ENTREP2: variants seen among roughly 807,000 people sequenced by gnomAD.
The protein encoded by ENTREP2 is endosomal transmembrane epsin interactor 2, also known as protein ENTREP2.
the ENTREP2 span, among the ~76,000 whole-genome samples, chr15:29,238,759 C>A: frequency 2.6e-3 from 396 of 152,262 alleles, 4 homozygotes; most frequent in Admixed American, 1.7e-3. Context: ...GGGAAGCAGG[C>A]ACGTCTTACA....
the ENTREP2 span, among the ~76,000 whole-genome samples, chr15:29,616,032 G>T: frequency 6.6e-6 from 1 of 152,218 alleles, no homozygotes; most frequent in Non-Finnish European, 1.5e-5. Context: ...CATCGCCCAG[G>T]CTAACCTGGA....
chr15:29,621,089 G>C, the ENTREP2 span, among the ~76,000 whole-genome samples: 5 of 151,976 alleles, frequency 3.3e-5, no homozygotes, highest in African/African-American at 1.2e-4. Context: ...AGTTGCTCCT[G>C]CTTAAAATGT....
chr15:29,258,472 A>G, the ENTREP2 span, among the ~76,000 whole-genome samples: 1 of 147,890 alleles, frequency 6.8e-6, no homozygotes, highest in African/African-American at 2.5e-5. Flanking sequence ...GGTAAGAGAC[A>G]ATAAGATCTT....
the ENTREP2 span, among the ~76,000 whole-genome samples, chr15:29,515,379 C>T: frequency 2.6e-5 from 4 of 152,190 alleles, no homozygotes; most frequent in South Asian, 2.1e-4. Flanking sequence ...ACAGAACGCA[C>T]CCTTCCTCTG....
At chr15:29,374,643 A>T in the ENTREP2 span, 1 of 152,054 alleles carries the variant, frequency 6.6e-6, no homozygotes, top group African/African-American at 2.4e-5. Flanking sequence ...ATTTTGAAAA[A>T]AAATTACTAC....
the ENTREP2 span, among the ~76,000 whole-genome samples, chr15:29,306,120 G>T: frequency 6.6e-6 from 1 of 152,266 alleles, no homozygotes; most frequent in East Asian, 1.9e-4. Context: ...CGATACCCCA[G>T]TGGGTTGTTG....
chr15:29,646,838 G>A, the ENTREP2 span, among the ~76,000 whole-genome samples: 1 of 152,124 alleles, frequency 6.6e-6, no homozygotes, highest in Admixed American at 6.6e-5. Flanking sequence ...TGACACAAGG[G>A]CCACTCTGTC....
the ENTREP2 span, among the ~76,000 whole-genome samples, chr15:29,131,436 A>G: frequency 5.3e-5 from 8 of 151,460 alleles, no homozygotes; most frequent in Admixed American, 1.3e-4. Context: ...CAAGACGCCA[A>G]ACTCCTCAAG....
the ENTREP2 span, among the ~76,000 whole-genome samples, chr15:29,395,175 A>ACCG: frequency 2.0e-5 from 3 of 151,756 alleles, no homozygotes; most frequent in African/African-American, 7.2e-5. Flanking sequence ...GGCCTGAGCC[A>ACCG]CCGCGCCTGG....
the ENTREP2 span, among the ~76,000 whole-genome samples, chr15:29,340,955 T>C: frequency 2.0e-5 from 3 of 152,210 alleles, no homozygotes; most frequent in Non-Finnish European, 4.4e-5. Flanking sequence ...ATTTCACTTA[T>C]TTATGACTCA....
the ENTREP2 span, among the ~76,000 whole-genome samples, chr15:29,143,019 C>T: frequency 7.9e-5 from 12 of 152,186 alleles, no homozygotes; most frequent in Non-Finnish European, 1.5e-4. Flanking sequence ...TGACAATAGG[C>T]AGAACGCTTT....
chr15:29,394,932 C>T, the ENTREP2 span, among the ~76,000 whole-genome samples: 68 of 143,662 alleles, frequency 4.7e-4, no homozygotes, highest in African/African-American at 1.6e-3. Flanking sequence ...CTGTCGCCCA[C>T]GCCGGAGTGC....
chr15:29,490,065 A>G, the ENTREP2 span, among the ~76,000 whole-genome samples: 1 of 152,240 alleles, frequency 6.6e-6, no homozygotes, highest in Non-Finnish European at 1.5e-5. Context: ...AAGGTGGTCC[A>G]TTCTCGCTCT....
At chr15:29,296,704 T>C in the ENTREP2 span, among the ~76,000 whole-genome samples, 1 of 152,192 alleles carries the variant, frequency 6.6e-6, no homozygotes, top group African/African-American at 2.4e-5. Flanking sequence ...GGATATGTAT[T>C]AGTTTTCTAG....
chr15:29,227,254 G>A, the ENTREP2 span, among the ~76,000 whole-genome samples: 3 of 152,320 alleles, frequency 2.0e-5, no homozygotes, highest in Admixed American at 6.5e-5. Flanking sequence ...AATTCAGCCA[G>A]GGGCCCTTCT....
At chr15:29,622,593 G>A in the ENTREP2 span, among the ~76,000 whole-genome samples, 4 of 152,108 alleles carry the variant, frequency 2.6e-5, no homozygotes, top group African/African-American at 9.7e-5. Context: ...CAAGGAGAAG[G>A]TGTTATTGAG....
At chr15:29,376,464 A>C in the ENTREP2 span, 2 of 152,150 alleles carry the variant, frequency 1.3e-5, no homozygotes, top group East Asian at 1.9e-4. Flanking sequence ...TAAAAAAAAA[A>C]CTATCCCAGT....
At chr15:29,135,304 T>G in the ENTREP2 span, among the ~76,000 whole-genome samples, 1 of 152,150 alleles carries the variant, frequency 6.6e-6, no homozygotes, top group Admixed American at 6.5e-5. The surrounding 1 kb of genome is among the most constrained non-coding windows in gnomAD (Gnocchi z 7.4). Context: ...GGGGCAATGT[T>G]CATGGATGAT....
the ENTREP2 span, among the ~76,000 whole-genome samples, chr15:29,161,948 T>G: frequency 6.6e-6 from 1 of 151,332 alleles, no homozygotes; most frequent in Non-Finnish European, 1.5e-5. Context: ...GGAAGCAGAC[T>G]GCTCTTGCAG....
Sources: allele counts gnomAD v4.1 joint callset (sites outside exome capture counted in the v4.1 genomes callset), GRCh38; gene constraint gnomAD v4.1.1; non-coding constraint Gnocchi (gnomAD v3.1); transcripts MANE v1.5; gene names NCBI Gene and HGNC (gene_info 2026-07-23, HGNC 2026-07-21).